Variants in ZNF423 observed in about 807,000 individuals in gnomAD.
ZNF423 encodes the protein zinc finger protein 423, also known as Ebf-associated zinc finger protein.
ZNF423 carries 12 observed loss-of-function variants against 95.8 expected under a neutral mutation model. The observed-to-expected ratio is 0.13, with a 90% CI of 0.08 to 0.20. ZNF423 has a LOEUF of 0.20. ZNF423 is among the 10% of genes least tolerant of loss of function. The pLI is 1.00. For missense variants in ZNF423, 1,316 were observed against 1,737.1 expected, an observed-to-expected ratio of 0.76 and a Z score of 4.31; for synonymous variants, 749 against 711.9, an observed-to-expected ratio of 1.05 and a Z score of -0.83.
intron 2 of ZNF423, among the ~76,000 whole-genome samples, chr16:49,778,474 G>T (rs1035698026): frequency 6.6e-6 from 1 of 152,230 alleles, no homozygotes; most frequent in Non-Finnish European, 1.5e-5. Flanking sequence ...GAAGGAACCT[G>T]ATCTCAGGTC....
intron 1 of ZNF423, among the ~76,000 whole-genome samples, chr16:49,814,692 T>TAA (rs35483464): frequency 2.1e-5 from 3 of 141,888 alleles, no homozygotes; most frequent in South Asian, 2.3e-4. Context: ...GCCACTATTG[T>TAA]AAAAAAAAAA....
chr16:49,650,091 C>A (rs1973343263), intron 3 of ZNF423, among the ~76,000 whole-genome samples: 1 of 152,232 alleles, frequency 6.6e-6, no homozygotes, highest in Admixed American at 6.5e-5. Flanking sequence ...ACTGACCAGG[C>A]CTGCCCTTCT....
chr16:49,730,737 C>T (rs1474216906), intron 3 of ZNF423, 34 bp downstream of exon 3: 1 of 1,612,428 alleles, frequency 6.2e-7, no homozygotes, highest in Non-Finnish European at 8.5e-7. Flanking sequence ...CCCGTGTAAC[C>T]ACCTGTCAGA....
intron 7 of ZNF423, among the ~76,000 whole-genome samples, chr16:49,506,701 C>T (rs1031464493): frequency 2.6e-5 from 4 of 151,710 alleles, no homozygotes; most frequent in East Asian, 1.9e-4. Context: ...ATGGAAGGAT[C>T]AGTGGACAGA....
intron 5 of ZNF423, among the ~76,000 whole-genome samples, chr16:49,560,968 T>C (rs1264539224): frequency 2.0e-5 from 3 of 152,210 alleles, no homozygotes; most frequent in Non-Finnish European, 2.9e-5. Context: ...AAAATGTACA[T>C]GCAAATTCAC....
chr16:49,611,187 C>A (rs544831495), intron 5 of ZNF423, among the ~76,000 whole-genome samples: 1 of 152,124 alleles, frequency 6.6e-6, no homozygotes, highest in East Asian at 1.9e-4. Flanking sequence ...CTCCACCCAA[C>A]AATAACAGAA....
At chr16:49,661,923 C>T (rs1026006555) in intron 3 of ZNF423, among the ~76,000 whole-genome samples, 5 of 152,178 alleles carry the variant, frequency 3.3e-5, no homozygotes, top group South Asian at 2.1e-4. Context: ...TCTGCCTCCT[C>T]GGGTTGTGCA....
At chr16:49,739,417 G>A (rs915422766) in intron 2 of ZNF423, among the ~76,000 whole-genome samples, 14 of 151,904 alleles carry the variant, frequency 9.2e-5, no homozygotes, top group Non-Finnish European at 1.6e-4. Flanking sequence ...TGCAAGGCAC[G>A]AAAATGTCCA....
chr16:49,773,350 G>A lies in ZNF423; in HGVS notation c.100+16137C>T, dbSNP rs376362352. ...AAAAAACAAAAAGCAAACAAAAAAA[G>A]CCATCAGATTTTGTGAGAACTCACT... On this transcript the variant is annotated intron_variant, in intron 2 of 7. Coordinates refer to ENST00000563137, the MANE Select transcript of ZNF423 (RefSeq NM_001379286.1). Among the ~76,000 whole-genome samples, 15 of 152,040 alleles carry A rather than the reference G, an allele frequency of 9.9e-5. No homozygotes were observed. In the East Asian group the frequency reaches 2.9e-3, roughly 29 times the overall value.
Position 49,636,418 on chromosome 16 carries a change from G to A in ZNF423, c.2758C>T (p.Arg920Trp), listed in dbSNP as rs202012783. 9.9e-6 allele frequency: 16 copies of A among 1,613,354 alleles called. No individual in the cohort carries two copies. Among genetic ancestry groups the A allele is most frequent in the African/African-American group, 2.7e-5 (2 of 75,052 alleles). ...CGTGAGCCATCATCCTCGCCCGGCC[G>A]GATATTGTGGTCCCGCAGCCGGTGA... ...QNHRLRDHNI[R>W]PGEDDGSRKK... Residue 920 changes from arginine (R) to tryptophan (W), a missense_variant, in exon 4 of 8, where the codon CGG (arginine) becomes TGG (tryptophan). By Grantham distance (101) the Arg-to-Trp change is moderately radical. Around this residue, in one of 6 missense-constraint regions of ZNF423, gnomAD observed 620 missense variants for 775.6 expected, o/e 0.80. Coordinates refer to ENST00000563137, the MANE Select transcript of ZNF423 (RefSeq NM_001379286.1). The surrounding 1 kb of genome is among the most constrained non-coding windows in gnomAD (Gnocchi z 8.6).
intron 7 of ZNF423, among the ~76,000 whole-genome samples, chr16:49,511,405 C>A (rs1486181235): frequency 2.0e-5 from 3 of 152,354 alleles, no homozygotes; most frequent in Admixed American, 2.0e-4. Context: ...CCGCAGGCTG[C>A]GAACACAGGC....
chr16:49,794,441 A>G (rs977555201), intron 1 of ZNF423, among the ~76,000 whole-genome samples: 1 of 152,092 alleles, frequency 6.6e-6, no homozygotes, highest in Non-Finnish European at 1.5e-5. Flanking sequence ...GAATGGCCAC[A>G]GGCATTTTGC....
At chr16:49,812,619 G>T (rs2034771783) in intron 1 of ZNF423, among the ~76,000 whole-genome samples, 1 of 152,214 alleles carries the variant, frequency 6.6e-6, no homozygotes, top group South Asian at 2.1e-4. Context: ...GTTCTAGGTT[G>T]TAGTGAGCTG....
chr16:49,514,529 C>T (rs1276763913), intron 7 of ZNF423, among the ~76,000 whole-genome samples: 3 of 152,182 alleles, frequency 2.0e-5, no homozygotes, highest in East Asian at 1.9e-4. Flanking sequence ...GCTGAGATCC[C>T]GCCCCTGTCT....
At chr16:49,852,112 C>T (rs1048832326) in intron 1 of ZNF423, among the ~76,000 whole-genome samples, 3 of 152,050 alleles carry the variant, frequency 2.0e-5, no homozygotes, top group South Asian at 2.1e-4. Context: ...TGGAAACACG[C>T]GCAGTGTTCC....
intron 1 of ZNF423, among the ~76,000 whole-genome samples, chr16:49,817,216 C>T (rs917636725): frequency 1.3e-5 from 2 of 152,194 alleles, no homozygotes; most frequent in African/African-American, 4.8e-5. Context: ...GGGCCTTGCA[C>T]GGAGTCCTAG....
Position 49,838,301 on chromosome 16 carries a change from G to A in ZNF423, c.40+17434C>T, listed in dbSNP as rs111879631. ...GTTCAAATCTTGCCCTAGCTGTGGG[G>A]CACTGGGCCATTTATTTTACTTCCC... On this transcript the variant is annotated intron_variant, in intron 1 of 7. Coordinates refer to ENST00000563137, the MANE Select transcript of ZNF423 (RefSeq NM_001379286.1). Among the ~76,000 whole-genome samples the A allele has an allele frequency of 5.1e-3, 776 of 152,328 alleles. 3 individuals carry two copies. The highest frequency in any genetic ancestry group is 8.5e-3 in the Non-Finnish European group (576 of 68,026).
chr16:49,495,741 C>A (rs1967143100), intron 7 of ZNF423, among the ~76,000 whole-genome samples: 1 of 152,194 alleles, frequency 6.6e-6, no homozygotes, highest in Admixed American at 6.5e-5. Context: ...GGGTCTGATG[C>A]TGGTTTTGCG....
chr16:49,857,426 C>T (rs186547250), upstream of ZNF423, among the ~76,000 whole-genome samples: 36 of 152,088 alleles, frequency 2.4e-4, no homozygotes, highest in Admixed American at 2.3e-3. This position sits in a 1 kb window ranked among gnomAD's most constrained non-coding sequence, Gnocchi z 6.2. Flanking sequence ...TTAGGGCCCA[C>T]GCGGCTGTCA....
Sources: allele counts gnomAD v4.1 joint callset (sites outside exome capture counted in the v4.1 genomes callset), GRCh38; gene constraint gnomAD v4.1.1; regional missense constraint gnomAD v4.1.1; non-coding constraint Gnocchi (gnomAD v3.1); transcripts MANE v1.5; gene names NCBI Gene and HGNC (gene_info 2026-07-23, HGNC 2026-07-21).